Variants in ELMO1 observed in about 807,000 individuals in gnomAD.
ELMO1 encodes engulfment and cell motility 1.
A neutral mutation model predicts 98.9 loss-of-function variants in ELMO1; 26 were observed. The ratio of observed to expected loss-of-function variants is 0.26; its 90% CI spans 0.19 to 0.36. The LOEUF is 0.36. Ranked by LOEUF, ELMO1 falls within the 10% of genes least tolerant of loss-of-function variation. The pLI is 1.00. For synonymous variants in ELMO1, 346 were observed against 346.0 expected (o/e 1.00, Z 0.00); for missense variants, 627 against 935.2 (o/e 0.67, Z 4.30).
At position 36,964,695 on chromosome 7, in the gene ELMO1, A is replaced by G. The variant is rs1412098027; in HGVS notation, c.1437+48604T>C. 2.0e-5 allele frequency among the ~76,000 whole-genome samples: 3 copies of G among 152,088 alleles called. No individual in the cohort carries two copies. The East Asian group carries it at 5.8e-4, about 29-fold the overall frequency. ...GGCTTTTAAAATTCTCAATCCCACT[A>G]CAATACCCTACAGTTAACCTACTTC... is the stretch of plus-strand genomic sequence containing the variant. On this transcript the variant is annotated intron_variant, in intron 16 of 21. Transcript: ENST00000310758.
In ELMO1 at chr7:37,210,047, G is replaced by A. The variant is rs75548244; in HGVS notation, c.1086+1339C>T. 8.0e-3 allele frequency among the ~76,000 whole-genome samples: 1,214 copies of A among 152,024 alleles called. 17 individuals are homozygous for A. The highest frequency in any genetic ancestry group is 0.028 in the African/African-American group (1,152 of 41,452). On this transcript the variant is annotated intron_variant, in intron 13 of 21. Coordinates refer to ENST00000310758, the MANE Select transcript of ELMO1 (RefSeq NM_014800.11). Reference sequence around the variant, plus strand: ...AACTGGACAGAGTGTTAGTTTTTTAGGTTTTTAGGTTTTTTTAGTTTAAGA... The same window carrying A: ...AACTGGACAGAGTGTTAGTTTTTTAAGTTTTTAGGTTTTTTTAGTTTAAGA...
chr7:36,987,492 G>A (rs1053704172), intron 16 of ELMO1, among the ~76,000 whole-genome samples: 1 of 152,104 alleles, frequency 6.6e-6, no homozygotes, highest in African/African-American at 2.4e-5. Flanking sequence ...CTGCCCTATC[G>A]TCATCTGCCT....
chr7:37,310,364 T>G (rs1286343547), intron 4 of ELMO1, among the ~76,000 whole-genome samples: 1 of 152,202 alleles, frequency 6.6e-6, no homozygotes, highest in African/African-American at 2.4e-5. Flanking sequence ...GCCCTGTGTT[T>G]TCTGGGGACT....
intron 10 of ELMO1, among the ~76,000 whole-genome samples, chr7:37,217,045 G>A (rs7810459): frequency 0.28 from 42,681 of 152,096 alleles, 6,653 homozygotes; most frequent in African/African-American, 0.41. Flanking sequence ...GACTACGTAC[G>A]TGCAGAAAGC....
rs1803388372 is a variant in ELMO1, at chr7:36,870,176, G to GA, written c.1905+216dup. Among the ~76,000 whole-genome samples, 1 of 152,084 alleles carries GA rather than the reference G, an allele frequency of 6.6e-6. No homozygotes were observed. Among genetic ancestry groups the GA allele is most frequent in the African/African-American group, 2.4e-5 (1 of 41,384 alleles). On this transcript the variant is annotated intron_variant, in intron 20 of 21. Transcript: ENST00000310758. This position sits in a 1 kb window ranked among gnomAD's most constrained non-coding sequence, Gnocchi z 4.4. ...GAAGTAGGCAGGAAGTGAGAGAATG[G>GA]AAAAGATGGTGAGCATCAGAAAAGG...
intron 15 of ELMO1, among the ~76,000 whole-genome samples, chr7:37,050,652 ACAC>A: frequency 6.8e-6 from 1 of 146,012 alleles, no homozygotes; most frequent in South Asian, 2.2e-4. Context: ...ACACACACAC[ACAC>A]ACACAAAAGG....
chr7:36,905,395 G>A (rs1490503212), intron 16 of ELMO1, among the ~76,000 whole-genome samples: 1 of 152,078 alleles, frequency 6.6e-6, no homozygotes, highest in Non-Finnish European at 1.5e-5. Flanking sequence ...GGGAGGGGAT[G>A]GTGAATTCAC....
chr7:37,339,053 A>G (rs1436972536), intron 2 of ELMO1, among the ~76,000 whole-genome samples: 3 of 152,214 alleles, frequency 2.0e-5, no homozygotes, highest in Non-Finnish European at 4.4e-5. Context: ...ACCGCCTCCC[A>G]GTTATTCATT....
intron 13 of ELMO1, among the ~76,000 whole-genome samples, chr7:37,160,925 T>C (rs1352453397): frequency 6.6e-6 from 1 of 151,988 alleles, no homozygotes; most frequent in African/African-American, 2.4e-5. Flanking sequence ...CCAACCTGGG[T>C]TCCAATGCAA....
At chr7:37,156,915 TC>T (rs1289533693) in intron 13 of ELMO1, among the ~76,000 whole-genome samples, 1 of 152,180 alleles carries the variant, frequency 6.6e-6, no homozygotes, top group Non-Finnish European at 1.5e-5. Context: ...GTGAAAATCC[TC>T]ATTAAAATAC....
chr7:36,958,733 C>A (rs1427721194), intron 16 of ELMO1, among the ~76,000 whole-genome samples: 1 of 152,080 alleles, frequency 6.6e-6, no homozygotes, highest in African/African-American at 2.4e-5. Flanking sequence ...ATACTTCTTG[C>A]CTCCTAGCAT....
chr7:37,167,465 A>G lies in ELMO1; in HGVS notation c.1087-34231T>C, dbSNP rs544993748. ...TCTTTACATTTTGGCATGATTTTGC[A>G]GCGGCTGGTACCGGTTGTTCCTTTC... On this transcript the variant is annotated intron_variant, in intron 13 of 21. Transcript: ENST00000310758. Among the ~76,000 whole-genome samples, 370 of 151,090 alleles carry G rather than the reference A, an allele frequency of 2.4e-3. 1 individual carries two copies. The highest frequency in any genetic ancestry group is 7.5e-3 in the African/African-American group (308 of 41,170).
intron 16 of ELMO1, among the ~76,000 whole-genome samples, chr7:36,978,022 C>G (rs1790720951): frequency 6.6e-6 from 1 of 151,346 alleles, no homozygotes; most frequent in African/African-American, 2.4e-5. Flanking sequence ...ATACTCACAG[C>G]TGGGAATCCC....
chr7:37,026,202 A>T (rs1794568305), intron 15 of ELMO1, among the ~76,000 whole-genome samples: 1 of 152,142 alleles, frequency 6.6e-6, no homozygotes, highest in African/African-American at 2.4e-5. Context: ...TGGGCACCCA[A>T]GGATTATGTT....
At chr7:37,253,769 G>GC in intron 6 of ELMO1, among the ~76,000 whole-genome samples, 1 of 151,610 alleles carries the variant, frequency 6.6e-6, no homozygotes, top group Non-Finnish European at 1.5e-5. Flanking sequence ...TGAGGGGCGG[G>GC]CAAGTCATCT....
At position 37,211,425 on chromosome 7, in the gene ELMO1, C is replaced by T. The variant is rs140782210; in HGVS notation, c.1047G>A (p.Lys349=). The T allele has an allele frequency of 6.2e-7, 1 of 1,614,056 alleles. No homozygotes were observed. The highest frequency in any genetic ancestry group is 8.5e-7 in the Non-Finnish European group (1 of 1,179,972). ...NNSSGSMEKR[K]SMYTRDYKKL... ...TCTTATAATCTCGCGTGTACATGGA[C>T]TTGCGTTTCTCCATGCTGCCACTGC... Residue 349 remains lysine, a synonymous_variant, in exon 13 of 22, where the codon AAG becomes AAA. Coordinates refer to ENST00000310758, the MANE Select transcript of ELMO1 (RefSeq NM_014800.11).
At chr7:37,066,902 T>C (rs1797009011) in intron 15 of ELMO1, among the ~76,000 whole-genome samples, 1 of 152,220 alleles carries the variant, frequency 6.6e-6, no homozygotes, top group African/African-American at 2.4e-5. Flanking sequence ...GCTCTGATAC[T>C]TGGAAATCCA....
At chr7:37,186,991 C>T (rs1461379316) in intron 13 of ELMO1, among the ~76,000 whole-genome samples, 2 of 152,164 alleles carry the variant, frequency 1.3e-5, no homozygotes, top group African/African-American at 4.8e-5. Flanking sequence ...TACACCCACA[C>T]AAAAACTTAT....
intron 1 of ELMO1, among the ~76,000 whole-genome samples, chr7:37,448,083 C>A (rs1161078502): frequency 1.3e-5 from 2 of 152,054 alleles, no homozygotes; most frequent in Admixed American, 6.5e-5. Flanking sequence ...CTGCCCAGAC[C>A]GCCCTCTCCG....
Sources: allele counts gnomAD v4.1 joint callset (sites outside exome capture counted in the v4.1 genomes callset), GRCh38; gene constraint gnomAD v4.1.1; non-coding constraint Gnocchi (gnomAD v3.1); transcripts MANE v1.5; gene names NCBI Gene and HGNC (gene_info 2026-07-23, HGNC 2026-07-21).